The following DNAH7 variants were observed in gnomAD, a reference collection of about 807,000 sequenced individuals.
The protein encoded by DNAH7 is dynein axonemal heavy chain 7.
Under a neutral mutation model 444.6 loss-of-function variants are expected in DNAH7, and 397 were observed. That is an observed-to-expected ratio of 0.89 (90% CI 0.82 to 0.97). The LOEUF (loss-of-function observed/expected upper bound fraction) is 0.97. Among genes scored for constraint, DNAH7 ranks in the 50% least tolerant of loss-of-function variants. The pLI is 0.00. For synonymous variants in DNAH7, 1,636 were observed against 1,624.4 expected, an observed-to-expected ratio of 1.01 and a Z score of -0.17; for missense variants, 4,902 against 4,800.8, an observed-to-expected ratio of 1.02 and a Z score of -0.62.
At chr2:195,740,630 TATATATATATATATAC>T (rs1692959120) in intron 64 of DNAH7, 120 bp downstream of exon 64, 3 of 104,506 alleles carry the variant, frequency 2.9e-5, no homozygotes, top group African/African-American at 1.0e-4. Context: ...TATATATATA[TATATATATATATATAC>T]ATATACACAC....
intron 47 of DNAH7, among the ~76,000 whole-genome samples, chr2:195,843,364 T>C (rs1025607596): frequency 1.3e-5 from 2 of 152,232 alleles, no homozygotes; most frequent in South Asian, 2.1e-4. Flanking sequence ...ATTTAGATTA[T>C]TGGATCAGAG....
At chr2:196,029,436 T>C (rs1695900062) in intron 5 of DNAH7, among the ~76,000 whole-genome samples, 1 of 152,038 alleles carries the variant, frequency 6.6e-6, no homozygotes, top group African/African-American at 2.4e-5. Context: ...TAGAAGTTCT[T>C]CCAGTCAGAG....
rs142859575 is a variant in DNAH7, at chr2:195,939,155, C to T, written c.3079-2363G>A. Among the ~76,000 whole-genome samples, 1,204 of 152,216 alleles carry T rather than the reference C, an allele frequency of 7.9e-3. 9 individuals carry two copies. Among genetic ancestry groups the T allele is most frequent in the Non-Finnish European group, 0.013 (917 of 68,010 alleles). On this transcript the variant is annotated intron_variant, in intron 19 of 64. Transcript: ENST00000312428. ...GTCTAAAACACACAGACACTTGAAGCGACCCTTTTACTCCCCCTTTCCTTC... is the reference window on the plus strand; with the variant it reads ...GTCTAAAACACACAGACACTTGAAGTGACCCTTTTACTCCCCCTTTCCTTC...
chr2:195,907,121 G>T, intron 25 of DNAH7, 112 bp from the exon 26 acceptor site: 1 of 758,040 alleles, frequency 1.3e-6, no homozygotes, highest in Non-Finnish European at 2.1e-6. Context: ...CAAAGAAATT[G>T]CTTATTCGCC....
intron 51 of DNAH7, among the ~76,000 whole-genome samples, 155 bp downstream of exon 51, chr2:195,816,473 C>T (rs1227546385): frequency 6.6e-6 from 1 of 152,046 alleles, no homozygotes; most frequent in African/African-American, 2.4e-5. Context: ...AATTTCTAAC[C>T]CCCATATTTA....
chr2:195,951,766 T>A (rs1178755979), intron 19 of DNAH7, among the ~76,000 whole-genome samples: 1 of 152,164 alleles, frequency 6.6e-6, no homozygotes, highest in Non-Finnish European at 1.5e-5. Context: ...TCTTTTTTTT[T>A]TCTTTCCATT....
intron 5 of DNAH7, among the ~76,000 whole-genome samples, chr2:196,039,546 C>T (rs113867249): frequency 0.047 from 7,122 of 151,930 alleles, 197 homozygotes; most frequent in East Asian, 0.091. Context: ...GCCTGTAATC[C>T]CAGCACTTTG....
At chr2:195,984,112 T>C (rs1364579642) in intron 15 of DNAH7, among the ~76,000 whole-genome samples, 1 of 152,200 alleles carries the variant, frequency 6.6e-6, no homozygotes, top group Non-Finnish European at 1.5e-5. Flanking sequence ...TTTGCTTGTA[T>C]GTCTGTACCA....
intron 40 of DNAH7, among the ~76,000 whole-genome samples, chr2:195,867,014 G>A (rs1047207206): frequency 6.6e-6 from 1 of 152,088 alleles, no homozygotes; most frequent in African/African-American, 2.4e-5. Flanking sequence ...TGATTGTGAG[G>A]CATCACTAGA....
Position 195,824,421 on chromosome 2 carries a change from T to A in DNAH7, c.9125A>T (p.Glu3042Val). Residue 3042 changes from glutamate (E) to valine (V), a missense_variant, in exon 49 of 65, where the codon GAA (glutamate) becomes GTA (valine). Coordinates refer to ENST00000312428, the MANE Select transcript of DNAH7 (RefSeq NM_018897.3). ...AAGAGGTTCCAAAATAGGATCTAGT[T>A]CTTCGCCAACATTTTCTAGCAACAC... is the stretch of plus-strand genomic sequence containing the variant. Reference protein sequence around the residue: ...TPVLLENVGEELDPILEPLLL... With the variant: ...TPVLLENVGEVLDPILEPLLL... The A allele has an allele frequency of 6.2e-7, 1 of 1,605,696 alleles. No individual in the cohort carries two copies. Among genetic ancestry groups the A allele is most frequent in the Non-Finnish European group, 8.5e-7 (1 of 1,176,668 alleles).
intron 54 of DNAH7, among the ~76,000 whole-genome samples, chr2:195,800,889 T>C (rs1207803527): frequency 1.3e-5 from 2 of 152,062 alleles, no homozygotes; most frequent in Non-Finnish European, 2.9e-5. Context: ...TCCACTCATG[T>C]TTCATGTTTC....
chr2:196,044,392 G>C (rs1696969982), intron 5 of DNAH7, among the ~76,000 whole-genome samples: 1 of 151,774 alleles, frequency 6.6e-6, no homozygotes, highest in Non-Finnish European at 1.5e-5. Context: ...CCTAAGCTAT[G>C]AGGACACAAA....
chr2:195,775,258 C>T (rs1025217939), intron 60 of DNAH7, among the ~76,000 whole-genome samples: 1 of 152,220 alleles, frequency 6.6e-6, no homozygotes, highest in Non-Finnish European at 1.5e-5. Context: ...CGCTTATGCA[C>T]TCTCCAGGAG....
intron 48 of DNAH7, among the ~76,000 whole-genome samples, chr2:195,827,095 G>T (rs968270564): frequency 5.3e-5 from 8 of 152,130 alleles, no homozygotes; most frequent in African/African-American, 1.9e-4. Context: ...AGAAAATACA[G>T]TTCTTTACCC....
At chr2:195,762,103 A>C (rs1169730292) in intron 61 of DNAH7, among the ~76,000 whole-genome samples, 2 of 152,110 alleles carry the variant, frequency 1.3e-5, no homozygotes, top group African/African-American at 4.8e-5. Flanking sequence ...GGATGAAGGT[A>C]AAGTGTAGAG....
intron 10 of DNAH7, among the ~76,000 whole-genome samples, chr2:196,010,250 A>G (rs1042672120): frequency 6.6e-6 from 1 of 151,794 alleles, no homozygotes; most frequent in Non-Finnish European, 1.5e-5. Context: ...CCCAGGTTCA[A>G]GCGATTCTTC....
At chr2:195,929,767 T>C (rs1574800732) in intron 21 of DNAH7, among the ~76,000 whole-genome samples, 1 of 152,092 alleles carries the variant, frequency 6.6e-6, no homozygotes. Context: ...ACTATAAGAA[T>C]CCTAGAAGAA....
At chr2:196,046,323 A>G (rs2125846415) in intron 5 of DNAH7, among the ~76,000 whole-genome samples, 1 of 152,292 alleles carries the variant, frequency 6.6e-6, no homozygotes, top group East Asian at 1.9e-4. Flanking sequence ...TCCTGTATAA[A>G]GCTGAAACAA....
At chr2:195,778,903 G>T (rs1367353397) in intron 58 of DNAH7, among the ~76,000 whole-genome samples, 2 of 149,524 alleles carry the variant, frequency 1.3e-5, no homozygotes, top group African/African-American at 4.9e-5. Context: ...GAGTGCAATG[G>T]CACGATCTCG....
Sources: gnomAD v4.1 joint callset for allele counts (sites outside exome capture counted in the v4.1 genomes callset) on GRCh38, gnomAD v4.1.1 for gene constraint, MANE v1.5 for transcripts, NCBI Gene and HGNC (gene_info 2026-07-23, HGNC 2026-07-21) for gene names.